The following HERC1 variants were observed in gnomAD, a reference collection of about 807,000 sequenced individuals.
The protein encoded by HERC1 is HECT and RLD domain containing E3 ubiquitin protein ligase family member 1.
A neutral mutation model predicts 554.3 loss-of-function variants in HERC1; 160 were observed. The ratio of observed to expected loss-of-function variants is 0.29; its 90% CI spans 0.25 to 0.33. The LOEUF is 0.33. HERC1 is among the 10% of genes least tolerant of loss of function. The probability of loss-of-function intolerance (pLI) is 1.00; values close to 1 mark genes in which losing one functional copy is unlikely to be tolerated. For synonymous variants in HERC1, 2,175 were observed against 2,131.7 expected, an observed-to-expected ratio of 1.02 and a Z score of -0.56; for missense variants, 4,919 against 5,918.5, an observed-to-expected ratio of 0.83 and a Z score of 5.54.
intron 1 of HERC1, among the ~76,000 whole-genome samples, chr15:63,833,191 C>T (rs577912362): frequency 6.6e-6 from 1 of 152,304 alleles, no homozygotes; most frequent in South Asian, 2.1e-4. Context: ...AAACAATGCG[C>T]CCCGCCTCGC....
rs545357943 is a variant in HERC1 at position 63,687,926 on chromosome 15, A to C, written c.6049-1391T>G. On this transcript the variant is annotated intron_variant, in intron 33 of 77. Coordinates refer to ENST00000443617, the MANE Select transcript of HERC1 (RefSeq NM_003922.4). ...ACTGTGTTCAAGAACTACAAGAAGA[A>C]GGCAAGTTGCTTAGACTATAGTGAG... Among the ~76,000 whole-genome samples, 53 of 152,228 alleles carry C rather than the reference A, an allele frequency of 3.5e-4. 1 individual carries two copies. The highest frequency in any genetic ancestry group is 6.3e-4 in the Non-Finnish European group (43 of 68,034).
chr15:63,722,023 G>C (rs2073841859), intron 19 of HERC1, among the ~76,000 whole-genome samples: 1 of 152,112 alleles, frequency 6.6e-6, no homozygotes, highest in Admixed American at 6.5e-5. Flanking sequence ...TCCATGACCA[G>C]CTAATATTTT....
At chr15:63,653,153 T>C (rs1302335403) in intron 51 of HERC1, among the ~76,000 whole-genome samples, 1 of 152,128 alleles carries the variant, frequency 6.6e-6, no homozygotes, top group African/African-American at 2.4e-5. Flanking sequence ...AAAAATTGTT[T>C]AAGTAGGCCA....
chr15:63,805,488 A>G (rs932149943), intron 1 of HERC1, among the ~76,000 whole-genome samples: 1 of 152,230 alleles, frequency 6.6e-6, no homozygotes, highest in African/African-American at 2.4e-5. Flanking sequence ...GAACAGGTGG[A>G]GAAGATTACA....
chr15:63,686,509 A>ATCT lies in HERC1; in HGVS notation c.6072_6074dup (p.Glu2024dup). 1 of 1,612,308 alleles carries ATCT rather than the reference A, an allele frequency of 6.2e-7. No homozygotes were observed. Among genetic ancestry groups the ATCT allele is most frequent in the Non-Finnish European group, 8.5e-7 (1 of 1,178,934 alleles). On this transcript the variant is annotated inframe_insertion, in exon 34 of 78. Coordinates refer to ENST00000443617, the MANE Select transcript of HERC1 (RefSeq NM_003922.4). ...ATACTTCTTGGATAGGAAGATTCTC[A>ATCT]TCTTCTTCTTCCAACTCGCCCTGCT... is the stretch of plus-strand genomic sequence containing the variant.
intron 25 of HERC1, among the ~76,000 whole-genome samples, chr15:63,702,199 A>C (rs1404398449): frequency 6.6e-6 from 1 of 152,192 alleles, no homozygotes; most frequent in Admixed American, 6.5e-5. Context: ...AAAGGAGTAA[A>C]TACACTACCA....
intron 1 of HERC1, among the ~76,000 whole-genome samples, chr15:63,789,064 A>G (rs1398806969): frequency 1.3e-5 from 2 of 149,874 alleles, no homozygotes; most frequent in Non-Finnish European, 3.0e-5. Flanking sequence ...CTACTAATAA[A>G]GCAGGAATAA....
At position 63,734,967 on chromosome 15, in the gene HERC1, T is replaced by TA; in HGVS notation, c.2521-119dup. 3.5e-6 allele frequency: 3 copies of TA among 851,700 alleles called. No individual in the cohort carries two copies. In the South Asian group the frequency reaches 5.5e-5, roughly 16 times the overall value. The allele number at this position is 851,700 out of a possible 1,614,324, so 52.8% of individuals were successfully genotyped here. A position where few individuals can be genotyped will look rare whatever the true frequency, so the allele number is the denominator to read the frequency against. The stretch of plus-strand genomic sequence containing the variant: ...TGTAAGTCTAAAAAAGATGGCATGA[T>TA]AAAAAAGAAAGCATGCAAGTCCTCC... On this transcript the variant is annotated intron_variant, in intron 12 of 77. Coordinates refer to ENST00000443617, the MANE Select transcript of HERC1 (RefSeq NM_003922.4). The surrounding 1 kb of genome is among the most constrained non-coding windows in gnomAD (Gnocchi z 4.6).
At chr15:63,614,155 C>G (rs766095084) in intron 76 of HERC1, among the ~76,000 whole-genome samples, 1 of 152,166 alleles carries the variant, frequency 6.6e-6, no homozygotes, top group Non-Finnish European at 1.5e-5. Flanking sequence ...TTACTGAGAA[C>G]AGAACAAAGC....
chr15:63,650,056 T>C (rs1365180668), intron 53 of HERC1, 131 bp from the exon 54 acceptor site: 2 of 643,306 alleles, frequency 3.1e-6, no homozygotes, highest in South Asian at 3.9e-5. Context: ...TACTAATGAA[T>C]AAGACCATGA....
intron 76 of HERC1, among the ~76,000 whole-genome samples, chr15:63,613,013 T>C (rs572966036): frequency 2.4e-3 from 369 of 152,346 alleles, no homozygotes; most frequent in Non-Finnish European, 3.9e-3. Flanking sequence ...AAAATAATTA[T>C]ATCCTTTTTG....
intron 1 of HERC1, among the ~76,000 whole-genome samples, chr15:63,811,200 T>C (rs1343291538): frequency 6.6e-6 from 1 of 152,226 alleles, no homozygotes; most frequent in Non-Finnish European, 1.5e-5. Context: ...AATGAATTAA[T>C]GTTATTTTCC....
chr15:63,611,890 A>G (rs1178307667), intron 77 of HERC1, among the ~76,000 whole-genome samples: 1 of 152,220 alleles, frequency 6.6e-6, no homozygotes, highest in Non-Finnish European at 1.5e-5. Context: ...CATAAAAGCA[A>G]CAAGGCGCAG....
Position 63,680,116 on chromosome 15 carries a change from G to A in HERC1, c.6510C>T (p.Tyr2170=). The A allele has an allele frequency of 1.2e-6, 2 of 1,613,172 alleles. No homozygotes were observed. Among genetic ancestry groups the A allele is most frequent in the Non-Finnish European group, 1.7e-6 (2 of 1,179,408 alleles). Residue 2170 remains tyrosine (Y), a synonymous_variant, in exon 36 of 78, where the codon TAC becomes TAT. Coordinates refer to ENST00000443617, the MANE Select transcript of HERC1 (RefSeq NM_003922.4). The surrounding 1 kb of genome is among the most constrained non-coding windows in gnomAD (Gnocchi z 5.8). ...AFEDVDAAEL[Y]PCVMFYSSNP... Reference sequence around the variant, plus strand: ...TGCTACTATAGAACATCACACATGGGTACAACTCTGCTGCATCCACATCTT... The same window carrying A: ...TGCTACTATAGAACATCACACATGGATACAACTCTGCTGCATCCACATCTT...
At chr15:63,724,147 A>G (rs1332360520) in intron 18 of HERC1, among the ~76,000 whole-genome samples, 2 of 152,220 alleles carry the variant, frequency 1.3e-5, no homozygotes, top group Admixed American at 6.5e-5. Context: ...GATTTTCTTC[A>G]TATTAAAGGC....
At position 63,729,450 on chromosome 15, in the gene HERC1, T is replaced by A. The variant is rs368043430; in HGVS notation, c.3021+47A>T. 16 of 1,597,392 alleles carry A rather than the reference T, an allele frequency of 1.0e-5. No individual in the cohort carries two copies. In the African/African-American group the frequency reaches 2.0e-4, roughly 20 times the overall value. On this transcript the variant is annotated intron_variant, in intron 15 of 77. Coordinates refer to ENST00000443617, the MANE Select transcript of HERC1 (RefSeq NM_003922.4). ...ATCATGGCCTATCCAAATATCTGAGTTTCAAGGTCCCTGATAGATCACCAT... is the reference window on the plus strand; with the variant it reads ...ATCATGGCCTATCCAAATATCTGAGATTCAAGGTCCCTGATAGATCACCAT...
intron 1 of HERC1, among the ~76,000 whole-genome samples, chr15:63,785,997 T>A: frequency 6.6e-6 from 1 of 151,858 alleles, no homozygotes; most frequent in East Asian, 1.9e-4. Context: ...TGAGCCACCA[T>A]GCCCAACCCA....
chr15:63,797,139 A>G (rs766289994), intron 1 of HERC1, among the ~76,000 whole-genome samples: 3 of 152,210 alleles, frequency 2.0e-5, no homozygotes, highest in East Asian at 1.9e-4. Context: ...AGCAAGGATG[A>G]TAATAACCTT....
chr15:63,797,757 T>C (rs1596280685), intron 1 of HERC1, among the ~76,000 whole-genome samples: 1 of 152,240 alleles, frequency 6.6e-6, no homozygotes, highest in Non-Finnish European at 1.5e-5. Context: ...AGGGAAAACC[T>C]GTCAGGAGAT....
Sources: gnomAD v4.1 joint callset for allele counts (sites outside exome capture counted in the v4.1 genomes callset) on GRCh38, gnomAD v4.1.1 for gene constraint, Gnocchi (gnomAD v3.1) non-coding constraint, MANE v1.5 for transcripts, NCBI Gene and HGNC (gene_info 2026-07-23, HGNC 2026-07-21) for gene names.